The following NME8 variants were observed in gnomAD, a reference collection of about 807,000 sequenced individuals.
NME8 encodes the protein protein NME8.
In NME8, 72 loss-of-function variants were observed where a neutral mutation model predicts 82.3. The ratio of observed to expected loss-of-function variants is 0.87; its 90% CI spans 0.72 to 1.06. The LOEUF is 1.06. Ranked by LOEUF, NME8 falls within the 50% of genes least tolerant of loss-of-function variation. The pLI, the probability that NME8 is intolerant of heterozygous loss-of-function variation, is 0.00. For missense variants in NME8, 712 were observed against 685.4 expected, an observed-to-expected ratio of 1.04 and a Z score of -0.43; for synonymous variants, 267 against 228.5, an observed-to-expected ratio of 1.17 and a Z score of -1.52.
intron 10 of NME8, 117 bp downstream of exon 10, chr7:37,865,734 C>T: frequency 1.4e-6 from 1 of 707,898 alleles, no homozygotes; most frequent in Non-Finnish European, 2.6e-6. Context: ...AAATAAGCTC[C>T]TGGTGTCCCT....
chr7:37,892,731 CT>C (rs1259894645), intron 15 of NME8, among the ~76,000 whole-genome samples: 2 of 151,870 alleles, frequency 1.3e-5, no homozygotes, highest in Non-Finnish European at 1.5e-5. Flanking sequence ...GTGAGTGCAG[CT>C]TTTATTTCAC....
Position 37,850,309 on chromosome 7 carries a change from A to G in NME8, c.33+10A>G. ...AGAAGTCCAGTTACAGGTGGGTCTG[A>G]CATATCAACAATTCTTTATCTGGTG... is the stretch of plus-strand genomic sequence containing the variant. On this transcript the variant is annotated intron_variant, in intron 3 of 17. Coordinates refer to ENST00000199447, the MANE Select transcript of NME8 (RefSeq NM_016616.5). The G allele has an allele frequency of 6.2e-7, 1 of 1,614,172 alleles. No homozygotes were observed. Among genetic ancestry groups the G allele is most frequent in the Non-Finnish European group, 8.5e-7 (1 of 1,179,972 alleles).
At chr7:37,882,599 G>A (rs1463609029) in intron 12 of NME8, among the ~76,000 whole-genome samples, 1 of 39,786 alleles carries the variant, frequency 2.5e-5, no homozygotes, top group Non-Finnish European at 7.6e-5. Context: ...AAGAAAGAAA[G>A]AGAGAGAGAG....
intron 10 of NME8, among the ~76,000 whole-genome samples, chr7:37,866,230 C>T (rs1431814009): frequency 2.6e-5 from 4 of 151,952 alleles, no homozygotes; most frequent in South Asian, 4.2e-4. Flanking sequence ...GATTAAATTA[C>T]ATTAAAAATG....
In NME8 at chr7:37,867,777, C is replaced by T. The variant is rs774237316; in HGVS notation, c.697C>T (p.His233Tyr). The T allele has an allele frequency of 2.5e-6, 4 of 1,613,522 alleles. No homozygotes were observed. The highest frequency in any genetic ancestry group is 1.7e-5 in the Admixed American group (1 of 59,976). The change falls in exon 11 of 18, where the codon CAC becomes TAC. Residue 233 changes from histidine to tyrosine, a missense_variant. Coordinates refer to ENST00000199447, the MANE Select transcript of NME8 (RefSeq NM_016616.5). The part of the protein sequence containing the change: ...YILVVSQGSK[H>Y]NPPSEETEPQ... Reference sequence around the variant, plus strand: ...TCTAGTTGTATCTCAAGGAAGTAAACACAATCCTCCCTCTGAAGAAACCGA... The same window carrying T: ...TCTAGTTGTATCTCAAGGAAGTAAATACAATCCTCCCTCTGAAGAAACCGA...
chr7:37,894,199 C>A (rs1562843069), intron 15 of NME8, among the ~76,000 whole-genome samples: 1 of 152,066 alleles, frequency 6.6e-6, no homozygotes, highest in African/African-American at 2.4e-5. Flanking sequence ...AGAGCAGGTC[C>A]CTTCCCCTTC....
chr7:37,881,941 T>G (rs75564555), intron 12 of NME8, among the ~76,000 whole-genome samples: 2,516 of 152,352 alleles, frequency 0.017, 29 homozygotes, highest in Middle Eastern at 0.037. Context: ...ATCAAATTTG[T>G]GAGCACAAAG....
At chr7:37,867,921 G>A (rs1784713275) in intron 11 of NME8, 23 bp downstream of exon 11, 1 of 1,605,144 alleles carries the variant, frequency 6.2e-7, no homozygotes, top group Non-Finnish European at 8.5e-7. Context: ...ACCAGGAATT[G>A]TGTTACTTGC....
intron 14 of NME8, 37 bp from the exon 15 acceptor site, chr7:37,888,240 G>A (rs967908182): frequency 3.1e-6 from 5 of 1,603,494 alleles, no homozygotes; most frequent in Non-Finnish European, 3.4e-6. Context: ...ATTCTGTTCT[G>A]TTCTAATAGC....
intron 12 of NME8, among the ~76,000 whole-genome samples, chr7:37,881,661 G>A (rs1404431845): frequency 1.3e-5 from 2 of 152,086 alleles, no homozygotes; most frequent in Admixed American, 6.5e-5. Context: ...CTGGCCTCAT[G>A]GAATGAGTTA....
rs1785241602 is a variant in NME8, at chr7:37,897,102, T to A, written c.*10T>A. On this transcript the variant is annotated 3_prime_UTR_variant, in exon 17 of 18. Transcript: ENST00000199447. ...TCCTGAGGAAAACTAAAGTATATAC[T>A]GTGAAGTACGTACCTGTTTAATTAT... 1 of 1,536,370 alleles carries A rather than the reference T, an allele frequency of 6.5e-7. No homozygotes were observed.
intron 17 of NME8, among the ~76,000 whole-genome samples, chr7:37,899,676 C>G (rs1034926183): frequency 4.6e-5 from 7 of 152,004 alleles, no homozygotes; most frequent in Non-Finnish European, 8.8e-5. Context: ...TACTCCTGAA[C>G]TTAAAATAAA....
At chr7:37,855,213 T>C (rs1342597354) in intron 5 of NME8, among the ~76,000 whole-genome samples, 2 of 152,078 alleles carry the variant, frequency 1.3e-5, no homozygotes, top group East Asian at 3.8e-4. Context: ...CAAAGAACTT[T>C]AAAAACAGTC....
rs1784604359 is a variant in NME8, at chr7:37,862,059, C to A, written c.302C>A (p.Ala101Glu). The A allele has an allele frequency of 1.2e-6, 2 of 1,613,520 alleles. No individual in the cohort carries two copies. The highest frequency in any genetic ancestry group is 1.7e-6 in the Non-Finnish European group (2 of 1,179,626). ...AAAATTATCGAAAAGATTCAGGGTGCAAATGCACCGCTTGTTAATAAAAAA... is the reference window on the plus strand; with the variant it reads ...AAAATTATCGAAAAGATTCAGGGTGAAAATGCACCGCTTGTTAATAAAAAA... ...NGKIIEKIQG[A>E]NAPLVNKKVI... The change falls in exon 7 of 18, where the codon GCA becomes GAA. Residue 101 changes from alanine (A) to glutamate (E), a missense_variant. Ala to Glu is a moderately radical substitution (Grantham distance 107, BLOSUM62 -1). Coordinates refer to ENST00000199447, the MANE Select transcript of NME8 (RefSeq NM_016616.5).
intron 6 of NME8, among the ~76,000 whole-genome samples, chr7:37,860,023 T>C (rs10276970): frequency 0.074 from 11,289 of 152,194 alleles, 1,332 homozygotes; most frequent in African/African-American, 0.25. Context: ...TCATTCCAGC[T>C]AGTCTCAGCA....
intron 8 of NME8, among the ~76,000 whole-genome samples, chr7:37,863,695 A>C (rs966657784): frequency 1.3e-5 from 2 of 152,198 alleles, no homozygotes; most frequent in Non-Finnish European, 2.9e-5. Context: ...TACCCTGTAC[A>C]ATGGATTCCT....
At chr7:37,882,183 G>A (rs1265888566) in intron 12 of NME8, among the ~76,000 whole-genome samples, 2 of 152,154 alleles carry the variant, frequency 1.3e-5, no homozygotes, top group African/African-American at 4.8e-5. Flanking sequence ...TGTGATTGAT[G>A]AGAAGTAAGG....
Position 37,894,630 on chromosome 7 carries a change from T to G in NME8, c.1544+20T>G. ...ATCTGTGTAAGTTTCTGATACATAA[T>G]TGTTTGCATTATAAAAGTGGTAAAT... On this transcript the variant is annotated intron_variant, in intron 16 of 17. Transcript: ENST00000199447. 1 of 1,566,386 alleles carries G rather than the reference T, an allele frequency of 6.4e-7. No homozygotes were observed. The highest frequency in any genetic ancestry group is 1.1e-5 in the South Asian group (1 of 88,824).
chr7:37,898,943 G>C (rs918930224), intron 17 of NME8, among the ~76,000 whole-genome samples: 4 of 152,118 alleles, frequency 2.6e-5, no homozygotes, highest in Non-Finnish European at 5.9e-5. Context: ...TGATTTCTCA[G>C]ACAAGCACAA....
Sources: allele counts gnomAD v4.1 joint callset (sites outside exome capture counted in the v4.1 genomes callset), GRCh38; gene constraint gnomAD v4.1.1; transcripts MANE v1.5; gene names NCBI Gene and HGNC (gene_info 2026-07-23, HGNC 2026-07-21).